TTC8: variants seen among roughly 807,000 people sequenced by gnomAD.
TTC8 encodes the protein tetratricopeptide repeat protein 8.
Under a neutral mutation model 72.5 loss-of-function variants are expected in TTC8, and 47 were observed. The ratio of observed to expected loss-of-function variants is 0.65; its 90% CI spans 0.51 to 0.83. The LOEUF (loss-of-function observed/expected upper bound fraction) is 0.83. Ranked by LOEUF, TTC8 falls within the 40% of genes least tolerant of loss-of-function variation. The pLI, the probability that TTC8 is intolerant of heterozygous loss-of-function variation, is 0.00. For missense variants in TTC8, 611 were observed against 623.2 expected, an observed-to-expected ratio of 0.98 and a Z score of 0.21; for synonymous variants, 199 against 221.4, an observed-to-expected ratio of 0.90 and a Z score of 0.90.
chr14:88,844,654 C>T (rs2094797623), intron 7 of TTC8, among the ~76,000 whole-genome samples: 1 of 151,916 alleles, frequency 6.6e-6, no homozygotes, highest in Non-Finnish European at 1.5e-5. Context: ...AGGCGATCCT[C>T]CCATCTCAGC....
rs1413362477 is a variant in TTC8, at chr14:88,861,332, G to C, written c.909G>C (p.Glu303Asp). The change falls in exon 10 of 15, where the codon GAG becomes GAC. Residue 303 changes from glutamate (E) to aspartate (D), a missense_variant and splice_region_variant. Physicochemically the swap from Glu to Asp is conservative, Grantham distance 45 (BLOSUM62 2). Coordinates refer to ENST00000380656, the MANE Select transcript of TTC8 (RefSeq NM_144596.4). ...TCTGTGGAATTGCAAGAATCTATGA[G>C]GTAATTCATGTTATTATTATTATTA... Reference protein sequence around the residue: ...TLLCGIARIYEEMNNMSSAAE... With the variant: ...TLLCGIARIYDEMNNMSSAAE... 7.6e-6 allele frequency: 12 copies of C among 1,571,942 alleles called. No individual in the cohort carries two copies. Among genetic ancestry groups the C allele is most frequent in the Middle Eastern group, 1.7e-4 (1 of 5,952 alleles).
chr14:88,852,862 A>G, intron 7 of TTC8, 109 bp from the exon 8 acceptor site: 1 of 954,538 alleles, frequency 1.0e-6, no homozygotes, highest in Non-Finnish European at 1.6e-6. Context: ...TCGGATTTCT[A>G]ATGCACATTT....
intron 8 of TTC8, 28 bp from the exon 9 acceptor site, chr14:88,857,162 G>GTC: frequency 1.3e-6 from 2 of 1,597,384 alleles, no homozygotes; most frequent in Non-Finnish European, 1.7e-6. Context: ...TAAGTTGAAT[G>GTC]TCTAATTCTT....
At chr14:88,872,293 C>T (rs781534935) in intron 12 of TTC8, 37 bp from the exon 13 acceptor site, 22 of 1,611,668 alleles carry the variant, frequency 1.4e-5, no homozygotes, top group South Asian at 5.5e-5. Context: ...AGGAAGTAAA[C>T]GGACCCATGG....
chr14:88,828,895 C>A (rs1040711356), intron 1 of TTC8, among the ~76,000 whole-genome samples: 1 of 152,098 alleles, frequency 6.6e-6, no homozygotes, highest in Admixed American at 6.5e-5. Flanking sequence ...CTTGTATTTT[C>A]TATTAGGATT....
chr14:88,872,592 G>A (rs2094939457), intron 13 of TTC8, 140 bp downstream of exon 13: 2 of 1,238,334 alleles, frequency 1.6e-6, no homozygotes, highest in Non-Finnish European at 2.3e-6. Context: ...CAGCTCTGTT[G>A]TGTATTAGCT....
chr14:88,843,823 C>CT lies in TTC8; in HGVS notation c.600dup (p.His201SerfsTer3). The CT allele has an allele frequency of 6.3e-7, 1 of 1,594,334 alleles. No individual in the cohort carries two copies. ...CTTCACAGGCTTTGTTTGAGTATAT[C>CT]TTTCATCATGAAAATGATGTTAAGA... is the stretch of plus-strand genomic sequence containing the variant. On this transcript the variant is annotated frameshift_variant, in exon 7 of 15. Coordinates refer to ENST00000380656, the MANE Select transcript of TTC8 (RefSeq NM_144596.4). LOFTEE classifies it high-confidence loss of function.
At chr14:88,880,778 T>G (rs1184805704), downstream of TTC8, 1 of 151,874 alleles carries the variant, frequency 6.6e-6, no homozygotes. Flanking sequence ...TAAGCCTGCC[T>G]CCCTTTTTAA....
At chr14:88,878,853 A>G (rs1487722856), downstream of TTC8, 4 of 152,204 alleles carry the variant, frequency 2.6e-5, no homozygotes, top group Non-Finnish European at 4.4e-5. Context: ...CCGTAGTCCT[A>G]TGCAGGCTGT....
intron 1 of TTC8, among the ~76,000 whole-genome samples, chr14:88,826,671 T>G (rs973221646): frequency 5.3e-5 from 8 of 152,042 alleles, no homozygotes; most frequent in African/African-American, 1.9e-4. Flanking sequence ...ACCACTGCAC[T>G]CCACACTCCA....
At chr14:88,827,747 A>G (rs886343161) in intron 1 of TTC8, among the ~76,000 whole-genome samples, 3 of 152,234 alleles carry the variant, frequency 2.0e-5, no homozygotes, top group Admixed American at 2.0e-4. Flanking sequence ...CCAAGCTTGA[A>G]GAAATCCTGC....
chr14:88,855,976 T>C (rs1339409774), intron 8 of TTC8, among the ~76,000 whole-genome samples: 1 of 152,188 alleles, frequency 6.6e-6, no homozygotes, highest in Non-Finnish European at 1.5e-5. Context: ...TCCCAGCTAC[T>C]TGGGAGGCTA....
At chr14:88,849,238 A>T (rs1806273673) in intron 7 of TTC8, among the ~76,000 whole-genome samples, 1 of 152,228 alleles carries the variant, frequency 6.6e-6, no homozygotes, top group African/African-American at 2.4e-5. Context: ...ACTCTGGTAC[A>T]GTCTTGCCAC....
chr14:88,850,970 C>T (rs990862199), intron 7 of TTC8, among the ~76,000 whole-genome samples: 1 of 152,094 alleles, frequency 6.6e-6, no homozygotes, highest in Non-Finnish European at 1.5e-5. Context: ...CTGTACATCT[C>T]GAAGCCATGG....
In TTC8 at chr14:88,852,988, C is replaced by T; in HGVS notation, c.642C>T (p.Ala214=). ...NDVKTALDLA[A]LSTEHSQYKD... ...TTTCAAAGGCTTTGGATCTGGCTGCCCTCTCCACAGAACATTCTCAGTACA... is the reference window on the plus strand; with the variant it reads ...TTTCAAAGGCTTTGGATCTGGCTGCTCTCTCCACAGAACATTCTCAGTACA... Residue 214 remains alanine, a synonymous_variant, in exon 8 of 15, where the codon GCC becomes GCT. Transcript: ENST00000380656. 6.2e-7 allele frequency: 1 copy of T among 1,613,368 alleles called. No individual in the cohort carries two copies. The highest frequency in any genetic ancestry group is 8.5e-7 in the Non-Finnish European group (1 of 1,179,542).
At chr14:88,833,024 G>T (rs1422563620) in intron 1 of TTC8, among the ~76,000 whole-genome samples, 1 of 152,156 alleles carries the variant, frequency 6.6e-6, no homozygotes, top group Non-Finnish European at 1.5e-5. Context: ...CTTGTACCAA[G>T]AATATATTCT....
chr14:88,858,057 A>T (rs563347571), intron 9 of TTC8, among the ~76,000 whole-genome samples: 1 of 151,086 alleles, frequency 6.6e-6, no homozygotes, highest in Admixed American at 6.6e-5. Flanking sequence ...TGCCTCCTAG[A>T]TTCGAGTGAT....
chr14:88,863,842 C>G (rs531189825), intron 10 of TTC8, among the ~76,000 whole-genome samples: 45 of 152,260 alleles, frequency 3.0e-4, no homozygotes, highest in African/African-American at 1.0e-3. Context: ...TTGATACTAG[C>G]AACTCTTTAA....
At chr14:88,833,112 G>C (rs931459761) in intron 1 of TTC8, among the ~76,000 whole-genome samples, 4 of 152,122 alleles carry the variant, frequency 2.6e-5, no homozygotes, top group Admixed American at 2.0e-4. Context: ...CTGTTTCTTA[G>C]TACTTTCCCC....
Sources: allele counts gnomAD v4.1 joint callset (sites outside exome capture counted in the v4.1 genomes callset), GRCh38; gene constraint gnomAD v4.1.1; transcripts MANE v1.5; gene names NCBI Gene and HGNC (gene_info 2026-07-23, HGNC 2026-07-21).